TNS4: variants seen among roughly 807,000 people sequenced by gnomAD.
The protein encoded by TNS4 is tensin-4.
Under a neutral mutation model 70.4 loss-of-function variants are expected in TNS4, and 46 were observed. The ratio of observed to expected loss-of-function variants is 0.65; its 90% confidence interval spans 0.52 to 0.84. TNS4 has a LOEUF of 0.84. Among genes scored for constraint, TNS4 ranks in the 40% least tolerant of loss-of-function variants. TNS4 has a pLI of 0.00. For synonymous variants in TNS4, 390 were observed against 366.6 expected (o/e 1.06, Z -0.73); for missense variants, 863 against 907.0 (o/e 0.95, Z 0.62).
intron 5 of TNS4, 76 bp from the exon 6 acceptor site, chr17:40,484,685 A>G: frequency 1.3e-6 from 2 of 1,579,824 alleles, no homozygotes; most frequent in East Asian, 4.5e-5. Context: ...GGGTCTTCAC[A>G]GAGCAGATGT....
chr17:40,496,724 C>T (rs4890086), intron 1 of TNS4, among the ~76,000 whole-genome samples: 147,572 of 152,332 alleles, frequency 0.97, 71,520 homozygotes, highest in South Asian at 0.99. Context: ...TCAGTTCCCT[C>T]GTCTATAAAA....
In TNS4 at chr17:40,482,348, C is replaced by T; in HGVS notation, c.1570G>A (p.Gly524Arg). 1 of 1,614,176 alleles carries T rather than the reference C, an allele frequency of 6.2e-7. No homozygotes were observed. Among genetic ancestry groups the T allele is most frequent in the South Asian group, 1.1e-5 (1 of 91,086 alleles). The stretch of plus-strand genomic sequence containing the variant: ...CCAAAGTAGGGCTCCTCATCTGCTC[C>T]TTTGAGATGCACTCCTTTGGCAGAC... ...ESSAKGVHLK[G>R]ADEEPYFGSL... Residue 524 changes from glycine (G) to arginine (R), a missense_variant, in exon 7 of 13, where the codon GGA becomes AGA. Gly to Arg is a moderately radical substitution (Grantham distance 125). Transcript: ENST00000254051.
rs768507216 is a variant in TNS4, at chr17:40,488,812, C to T, written c.597G>A (p.Glu199=). 6.8e-6 allele frequency: 11 copies of T among 1,613,234 alleles called. No individual in the cohort carries two copies. Among genetic ancestry groups the T allele is most frequent in the Middle Eastern group, 3.3e-4 (2 of 6,082 alleles). Residue 199 remains glutamate (E), a synonymous_variant, in exon 3 of 13, where the codon GAG becomes GAA. Coordinates refer to ENST00000254051, the MANE Select transcript of TNS4 (RefSeq NM_032865.6). ...DVPRETRSSS[E]SLIFSGNQGR... Reference sequence around the variant, plus strand: ...CCTGGTTCCCAGAGAAGATGAGGCTCTCACTGCTGCTTCGTGTCTCTCGGG... The same window carrying T: ...CCTGGTTCCCAGAGAAGATGAGGCTTTCACTGCTGCTTCGTGTCTCTCGGG...
At position 40,484,950 on chromosome 17, in the gene TNS4, C is replaced by G. The variant is rs186273209; in HGVS notation, c.1346G>C (p.Trp449Ser). 333 of 1,614,188 alleles carry G rather than the reference C, an allele frequency of 2.1e-4. 2 individuals are homozygous for G. The highest frequency in any genetic ancestry group is 4.6e-4 in the South Asian group (42 of 91,074). The stretch of plus-strand genomic sequence containing the variant: ...CTCTCGGGTGATGTTTGGCTTAAAC[C>G]AGTATTTAGATGTGTCCATCACGAA... ...MKFVMDTSKYWFKPNITREQA... is the reference protein window; with the variant it reads ...MKFVMDTSKYSFKPNITREQA... The change falls in exon 5 of 13, where the codon TGG (tryptophan) becomes TCG (serine). Residue 449 changes from tryptophan (W) to serine (S), a missense_variant. Coordinates refer to ENST00000254051, the MANE Select transcript of TNS4 (RefSeq NM_032865.6).
intron 12 of TNS4, 62 bp from the exon 13 acceptor site, chr17:40,477,791 A>C: frequency 3.2e-6 from 4 of 1,258,088 alleles, no homozygotes; most frequent in Non-Finnish European, 4.5e-6. Flanking sequence ...GCTGGTGGGA[A>C]TGGGGTGGTG....
chr17:40,491,582 C>G (rs530667882), intron 2 of TNS4, among the ~76,000 whole-genome samples: 38 of 152,262 alleles, frequency 2.5e-4, no homozygotes, highest in South Asian at 2.1e-3. Flanking sequence ...TCTCTTGGCA[C>G]AGTGAAGCTC....
chr17:40,481,993 G>T, intron 8 of TNS4, 136 bp downstream of exon 8: 1 of 962,208 alleles, frequency 1.0e-6, no homozygotes, highest in Non-Finnish European at 1.5e-6. Context: ...AGGTGGAGAT[G>T]TTGAGCGACT....
At chr17:40,499,865 C>T (rs1482216050) in intron 1 of TNS4, among the ~76,000 whole-genome samples, 1 of 152,212 alleles carries the variant, frequency 6.6e-6, no homozygotes, top group Non-Finnish European at 1.5e-5. Context: ...CTTTGCAGAG[C>T]TCAAGGAGGG....
At chr17:40,487,759 C>T (rs1019632961) in intron 3 of TNS4, among the ~76,000 whole-genome samples, 7 of 152,214 alleles carry the variant, frequency 4.6e-5, no homozygotes, top group South Asian at 2.1e-4. Flanking sequence ...CCAGCCAGGC[C>T]GTTCTGACTG....
At position 40,476,395 on chromosome 17, in the gene TNS4, T is replaced by C. The variant is rs1476751214; in HGVS notation, c.*1193A>G. 1 of 148,508 alleles carries C rather than the reference T, an allele frequency of 6.7e-6. No individual in the cohort carries two copies. Among genetic ancestry groups the C allele is most frequent in the Non-Finnish European group, 1.5e-5 (1 of 66,882 alleles). 9.2% of individuals were successfully genotyped at this position (148,508 alleles called of 1,614,324 possible). Reference sequence around the variant, plus strand: ...GTGTGTGTGTGTGTGTGTGTGTGTGTGTGTGTGTGTGTGTGTGTGTGTGTG... The same window carrying C: ...GTGTGTGTGTGTGTGTGTGTGTGTGCGTGTGTGTGTGTGTGTGTGTGTGTG... On this transcript the variant is annotated 3_prime_UTR_variant, in exon 13 of 13. Coordinates refer to ENST00000254051, the MANE Select transcript of TNS4 (RefSeq NM_032865.6).
At chr17:40,488,228 T>C (rs1046805117) in intron 3 of TNS4, among the ~76,000 whole-genome samples, 2 of 152,164 alleles carry the variant, frequency 1.3e-5, no homozygotes, top group African/African-American at 4.8e-5. Flanking sequence ...TTTATAGCCC[T>C]GTGTTTTGGG....
Position 40,477,712 on chromosome 17 carries a change from G to T in TNS4, c.2024C>A (p.Ala675Asp), listed in dbSNP as rs1220516046. ...CTCCTGAGGCTCTGTCTGGCTCTTG[G>T]CCACAAACCCAAAGATCCTGGTGGG... ...CKPSWIFGFV[A>D]KSQTEPQENV... Residue 675 changes from alanine (A) to aspartate (D), a missense_variant, in exon 13 of 13, where the codon GCC (alanine) becomes GAC (aspartate). By Grantham distance (126) the Ala-to-Asp change is moderately radical. Coordinates refer to ENST00000254051, the MANE Select transcript of TNS4 (RefSeq NM_032865.6). The T allele has an allele frequency of 6.2e-7, 1 of 1,606,292 alleles. No individual in the cohort carries two copies. Among genetic ancestry groups the T allele is most frequent in the Non-Finnish European group, 8.5e-7 (1 of 1,176,572 alleles).
At chr17:40,496,577 C>G (rs2036148770) in intron 1 of TNS4, 57 bp from the exon 2 acceptor site, 2 of 757,956 alleles carry the variant, frequency 2.6e-6, no homozygotes, top group Admixed American at 3.3e-5. Context: ...CCCCTGCCTC[C>G]CACCCTCCGT....
At chr17:40,482,086 A>T in intron 8 of TNS4, 43 bp downstream of exon 8, 1 of 1,604,760 alleles carries the variant, frequency 6.2e-7, no homozygotes, top group Non-Finnish European at 8.5e-7. Flanking sequence ...GAGAACAAAC[A>T]GGTCCCCCAC....
In TNS4 at chr17:40,480,742, C is replaced by T. The variant is rs1432933040; in HGVS notation, c.1699G>A (p.Asp567Asn). 6 of 1,599,724 alleles carry T rather than the reference C, an allele frequency of 3.8e-6. No individual in the cohort carries two copies. Among genetic ancestry groups the T allele is most frequent in the Non-Finnish European group, 5.1e-6 (6 of 1,174,186 alleles). The change falls in exon 9 of 13, where the codon GAC becomes AAC. Residue 567 changes from aspartate to asparagine, a missense_variant. Coordinates refer to ENST00000254051, the MANE Select transcript of TNS4 (RefSeq NM_032865.6). ...CAGGAGGCTGGGCTGTCTGTAGAGTCCGAGGCCCCATCTGCACCTCCCAGT... is the reference window on the plus strand; with the variant it reads ...CAGGAGGCTGGGCTGTCTGTAGAGTTCGAGGCCCCATCTGCACCTCCCAGT... Reference protein sequence around the residue: ...RELGGADGASDSTDSPASCQK... With the variant: ...RELGGADGASNSTDSPASCQK...
chr17:40,482,546 T>C (rs951722832), intron 6 of TNS4, 130 bp from the exon 7 acceptor site: 8 of 702,350 alleles, frequency 1.1e-5, no homozygotes, highest in African/African-American at 1.8e-5. Flanking sequence ...GAGTTCGAGA[T>C]CAGCCTGACC....
In TNS4 at chr17:40,487,312, G is replaced by C; in HGVS notation, c.1012C>G (p.Pro338Ala). 6.2e-7 allele frequency: 1 copy of C among 1,614,152 alleles called. No individual in the cohort carries two copies. Among genetic ancestry groups the C allele is most frequent in the Non-Finnish European group, 8.5e-7 (1 of 1,180,028 alleles). The change falls in exon 4 of 13, where the codon CCC becomes GCC. Residue 338 changes from proline (P) to alanine (A), a missense_variant. Coordinates refer to ENST00000254051, the MANE Select transcript of TNS4 (RefSeq NM_032865.6). ...RPSDFQAPRN[P>A]TLTMGQPRTP... ...CTGGGTTGGCCCATGGTTAGGGTGG[G>C]GTTTCTGGGAGCCTGGAAGTCACTG...
rs1284441155 is a variant in TNS4, at chr17:40,477,562, G to A, written c.*26C>T. 1.9e-6 allele frequency: 3 copies of A among 1,612,902 alleles called. No homozygotes were observed. The African/African-American group carries it at 4.0e-5, about 22-fold the overall frequency. The stretch of plus-strand genomic sequence containing the variant: ...TCCTTAGCGAGCCCCTGGAGGTGTT[G>A]GTTAGGTGCACAGGCAGTCTCTCCC... On this transcript the variant is annotated 3_prime_UTR_variant, in exon 13 of 13. Coordinates refer to ENST00000254051, the MANE Select transcript of TNS4 (RefSeq NM_032865.6).
chr17:40,488,952 C>A lies in TNS4; in HGVS notation c.457G>T (p.Val153Leu). ...TGGCACCTTGATCTGGCGGAGGTCACCTCGATGTACTTTATGTCTTTGGGG... is the reference window on the plus strand; with the variant it reads ...TGGCACCTTGATCTGGCGGAGGTCAACTCGATGTACTTTATGTCTTTGGGG... ...SEALDIKYIE[V>L]TSARSRCHDG... Residue 153 changes from valine (V) to leucine (L), a missense_variant, in exon 3 of 13, where the codon GTG becomes TTG. Transcript: ENST00000254051. The A allele has an allele frequency of 6.3e-7, 1 of 1,584,912 alleles. No individual in the cohort carries two copies. The highest frequency in any genetic ancestry group is 1.9e-5 in the Admixed American group (1 of 53,340).
Sources: gnomAD v4.1 joint callset for allele counts (sites outside exome capture counted in the v4.1 genomes callset) on GRCh38, gnomAD v4.1.1 for gene constraint, MANE v1.5 for transcripts, NCBI Gene and HGNC (gene_info 2026-07-23, HGNC 2026-07-21) for gene names.